RANBP2: variants seen among roughly 807,000 people sequenced by gnomAD.
RANBP2 encodes the protein E3 SUMO-protein ligase RanBP2.
Under a neutral mutation model 303.6 loss-of-function variants are expected in RANBP2, and 57 were observed. The ratio of observed to expected loss-of-function variants is 0.19; its 90% CI spans 0.15 to 0.23. The LOEUF is 0.23. RANBP2 is among the 10% of genes least tolerant of loss of function. The pLI is 1.00. For missense variants in RANBP2, 3,138 were observed against 3,780.8 expected (o/e 0.83, Z 4.46); for synonymous variants, 1,167 against 1,301.5 (o/e 0.90, Z 2.23).
chr2:109,734,175 C>A, the RANBP2 span, among the ~76,000 whole-genome samples: 1 of 31,096 alleles, frequency 3.2e-5, no homozygotes, highest in Non-Finnish European at 7.9e-5. Context: ...AAAGACTCCA[C>A]CTCAAAAAAA....
chr2:109,154,313 T>G, the RANBP2 span, among the ~76,000 whole-genome samples: 2 of 152,106 alleles, frequency 1.3e-5, no homozygotes, highest in African/African-American at 4.8e-5. Flanking sequence ...GTTTCCCAGC[T>G]TGGGTAGGTG....
the RANBP2 span, among the ~76,000 whole-genome samples, chr2:109,253,311 G>A: frequency 3.3e-5 from 5 of 152,162 alleles, no homozygotes; most frequent in African/African-American, 7.2e-5. Flanking sequence ...GAGCCACTGC[G>A]CCCGGCCTAG....
the RANBP2 span, among the ~76,000 whole-genome samples, chr2:109,048,036 A>G: frequency 6.6e-6 from 1 of 152,224 alleles, no homozygotes; most frequent in African/African-American, 2.4e-5. Flanking sequence ...TTCTGAGGAC[A>G]CGCATCATCC....
At position 108,767,135 on chromosome 2, in the gene RANBP2, C is replaced by T. The variant is rs1677170390; in HGVS notation, c.6596C>T (p.Ser2199Leu). Reference sequence around the variant, plus strand: ...GTCACTGAGGAAGAAAATAAGGGTTCAGGTACAGGTGCGGCCGGTGCCTCA... The same window carrying T: ...GTCACTGAGGAAGAAAATAAGGGTTTAGGTACAGGTGCGGCCGGTGCCTCA... ...TKVTEEENKG[S>L]GTGAAGASDT... Residue 2199 changes from serine (S) to leucine (L), a missense_variant, in exon 20 of 29, where the codon TCA becomes TTA. Ser to Leu is a moderately radical substitution (Grantham distance 145). This residue lies in a region of RANBP2 where 103 missense variants were observed against 214.3 expected (regional missense o/e 0.48). Coordinates refer to ENST00000283195, the MANE Select transcript of RANBP2 (RefSeq NM_006267.5). The T allele has an allele frequency of 1.2e-6, 2 of 1,611,950 alleles. No individual in the cohort carries two copies. Among genetic ancestry groups the T allele is most frequent in the African/African-American group, 2.7e-5 (2 of 74,956 alleles).
At chr2:108,878,674 TAATG>T in the RANBP2 span, among the ~76,000 whole-genome samples, 10 of 152,174 alleles carry the variant, frequency 6.6e-5, no homozygotes, top group Non-Finnish European at 1.0e-4. Flanking sequence ...TGTTTTTAAA[TAATG>T]GGAAAAGCAA....
the RANBP2 span, among the ~76,000 whole-genome samples, chr2:109,412,132 T>A: frequency 6.6e-6 from 1 of 152,174 alleles, no homozygotes; most frequent in African/African-American, 2.4e-5. Flanking sequence ...CCGGCACAGA[T>A]GGGATGGTGA....
At chr2:109,329,722 G>A in the RANBP2 span, among the ~76,000 whole-genome samples, 4 of 152,230 alleles carry the variant, frequency 2.6e-5, no homozygotes, top group African/African-American at 7.2e-5. Context: ...GCAGGAGGAA[G>A]GTGAAATGAA....
At chr2:108,908,159 C>A in the RANBP2 span, 1 of 933,710 alleles carries the variant, frequency 1.1e-6, no homozygotes, top group East Asian at 2.7e-5. Context: ...TTACTGGGCA[C>A]CTTGTGGGCA....
the RANBP2 span, among the ~76,000 whole-genome samples, chr2:109,725,127 A>C: frequency 6.6e-6 from 1 of 152,214 alleles, no homozygotes; most frequent in African/African-American, 2.4e-5. Flanking sequence ...GTGACAGAAC[A>C]GACCAAAGCC....
chr2:109,722,350 C>T, the RANBP2 span, among the ~76,000 whole-genome samples: 1 of 152,320 alleles, frequency 6.6e-6, no homozygotes, highest in African/African-American at 2.4e-5. Flanking sequence ...TGCTCCGGCT[C>T]AGTGTGAACA....
chr2:109,202,828 A>G, the RANBP2 span, among the ~76,000 whole-genome samples: 3 of 152,246 alleles, frequency 2.0e-5, no homozygotes, highest in Non-Finnish European at 2.9e-5. Flanking sequence ...TTCCCGGGAA[A>G]GGGCCCAACT....
chr2:109,328,508 A>G, the RANBP2 span, among the ~76,000 whole-genome samples: 1 of 152,060 alleles, frequency 6.6e-6, no homozygotes, highest in Non-Finnish European at 1.5e-5. Flanking sequence ...TCATTTGTTT[A>G]CACATGTTTG....
At chr2:109,723,308 G>A in the RANBP2 span, among the ~76,000 whole-genome samples, 1 of 151,946 alleles carries the variant, frequency 6.6e-6, no homozygotes, top group African/African-American at 2.4e-5. Flanking sequence ...TGTGCCACAC[G>A]CCCGGCTAAT....
rs1676027194 is a variant in RANBP2, at chr2:108,753,025, C to T, written c.1783C>T (p.Gln595Ter). Residue 595 changes from glutamine (Q) to a stop codon, truncating the protein, a stop_gained, in exon 13 of 29, where the codon CAA becomes TAA. Coordinates refer to ENST00000283195, the MANE Select transcript of RANBP2 (RefSeq NM_006267.5). LOFTEE classifies it high-confidence loss of function. ...CAGCGGTCTTAATTCTTTTTATGATCAACGAGAATACATAGGGAGAAGTGT... is the reference window on the plus strand; with the variant it reads ...CAGCGGTCTTAATTCTTTTTATGATTAACGAGAATACATAGGGAGAAGTGT... ...TGSGLNSFYD[Q>*]REYIGRSVHY... The T allele has an allele frequency of 6.2e-7, 1 of 1,608,912 alleles. No homozygotes were observed. The highest frequency in any genetic ancestry group is 8.5e-7 in the Non-Finnish European group (1 of 1,178,898).
At chr2:108,986,673 G>A in the RANBP2 span, among the ~76,000 whole-genome samples, 1 of 152,232 alleles carries the variant, frequency 6.6e-6, no homozygotes, top group Non-Finnish European at 1.5e-5. Context: ...AGACATTCAT[G>A]ACAACGCTTT....
At chr2:109,174,020 A>G in the RANBP2 span, among the ~76,000 whole-genome samples, 6 of 152,322 alleles carry the variant, frequency 3.9e-5, no homozygotes, top group East Asian at 1.2e-3. Context: ...TCAGTCCTTG[A>G]TTCAGAGAAC....
chr2:108,846,090 C>G, the RANBP2 span, among the ~76,000 whole-genome samples: 1 of 152,082 alleles, frequency 6.6e-6, no homozygotes, highest in Non-Finnish European at 1.5e-5. Context: ...GACTGAGGCT[C>G]TAGATAATCA....
At chr2:109,579,301 C>T in the RANBP2 span, among the ~76,000 whole-genome samples, 11 of 151,886 alleles carry the variant, frequency 7.2e-5, no homozygotes, top group Non-Finnish European at 1.5e-4. Flanking sequence ...CTTAGAAAAC[C>T]CCAGGCACTG....
the RANBP2 span, among the ~76,000 whole-genome samples, chr2:109,198,680 A>G: frequency 1.3e-5 from 2 of 152,002 alleles, no homozygotes; most frequent in Non-Finnish European, 2.9e-5. Context: ...GACAGAGAAC[A>G]TTTTTCGTGT....
Sources: allele counts gnomAD v4.1 joint callset (sites outside exome capture counted in the v4.1 genomes callset), GRCh38; gene constraint gnomAD v4.1.1; regional missense constraint gnomAD v4.1.1; transcripts MANE v1.5; gene names NCBI Gene and HGNC (gene_info 2026-07-23, HGNC 2026-07-21).